Variants in NFKB1 observed in about 807,000 individuals in gnomAD.
NFKB1 encodes the protein nuclear factor NF-kappa-B p105 subunit.
A neutral mutation model predicts 105.1 loss-of-function variants in NFKB1; 9 were observed. That is an observed-to-expected ratio of 0.09 (90% CI 0.05 to 0.15). NFKB1 has a LOEUF of 0.15. NFKB1 is among the 10% of genes least tolerant of loss of function. The pLI, the probability that NFKB1 is intolerant of heterozygous loss-of-function variation, is 1.00. For missense variants in NFKB1, 830 were observed against 1,203.7 expected, an observed-to-expected ratio of 0.69 and a Z score of 4.59; for synonymous variants, 440 against 442.2, an observed-to-expected ratio of 1.00 and a Z score of 0.06.
At chr4:102,610,527 G>A (rs1728300439) in intron 19 of NFKB1, 48 bp from the exon 20 acceptor site, 1 of 1,588,854 alleles carries the variant, frequency 6.3e-7, no homozygotes, top group African/African-American at 1.3e-5. Context: ...GCAGTTGGAA[G>A]TTGACAAGAT....
chr4:102,591,435 A>AG (rs1254008981), intron 11 of NFKB1, among the ~76,000 whole-genome samples: 73 of 151,990 alleles, frequency 4.8e-4, no homozygotes, highest in African/African-American at 1.6e-3. Context: ...AAAAAAAAAA[A>AG]AAGGCAGACT....
chr4:102,609,472 C>T lies in NFKB1; in HGVS notation c.2228-1103C>T, dbSNP rs543831649. On this transcript the variant is annotated intron_variant, in intron 19 of 23. Coordinates refer to ENST00000226574, the MANE Select transcript of NFKB1 (RefSeq NM_003998.4). ...ACTAAAAATACAAAACTTAGCTGGG[C>T]GTGGTGGCATGCATCTGTAATCCCA... is the stretch of plus-strand genomic sequence containing the variant. 4.6e-5 allele frequency among the ~76,000 whole-genome samples: 7 copies of T among 151,894 alleles called. No homozygotes were observed. In the East Asian group the frequency reaches 9.7e-4, roughly 21 times the overall value.
At chr4:102,607,843 C>T (rs913550031) in intron 19 of NFKB1, 92 bp downstream of exon 19, 1 of 1,046,072 alleles carries the variant, frequency 9.6e-7, no homozygotes. Context: ...TTCTTTAAGC[C>T]ACAGACCTAC....
chr4:102,596,527 T>C (rs1378349676), intron 14 of NFKB1, among the ~76,000 whole-genome samples, 195 bp downstream of exon 14: 1 of 152,228 alleles, frequency 6.6e-6, no homozygotes, highest in Admixed American at 6.5e-5. Flanking sequence ...TGCTCTGTTA[T>C]CTTTGAATGT....
At chr4:102,591,154 T>C (rs1276783558) in intron 11 of NFKB1, among the ~76,000 whole-genome samples, 2 of 152,124 alleles carry the variant, frequency 1.3e-5, no homozygotes, top group African/African-American at 4.8e-5. Flanking sequence ...ATCCAGGAGA[T>C]CTAGTTCAGA....
At chr4:102,526,028 C>G (rs1177169207) in intron 2 of NFKB1, among the ~76,000 whole-genome samples, 1 of 152,112 alleles carries the variant, frequency 6.6e-6, no homozygotes, top group Non-Finnish European at 1.5e-5. Context: ...ATCTCTTCCT[C>G]CATTGTCACG....
chr4:102,609,869 G>A (rs1728233640), intron 19 of NFKB1, among the ~76,000 whole-genome samples: 1 of 152,122 alleles, frequency 6.6e-6, no homozygotes, highest in South Asian at 2.1e-4. Context: ...CTCAAAAATG[G>A]CATCATTAGA....
At position 102,564,230 on chromosome 4, in the gene NFKB1, G is replaced by T. The variant is rs79702035; in HGVS notation, c.259-2757G>T. On this transcript the variant is annotated intron_variant, in intron 5 of 23. Transcript: ENST00000226574. ...ATTTTCAAAGGAACCACTATTCAAA[G>T]AAGTAAAAGGGAGACTGAATAAAAA... is the stretch of plus-strand genomic sequence containing the variant. 2.2e-3 allele frequency among the ~76,000 whole-genome samples: 342 copies of T among 152,152 alleles called. 1 individual carries two copies. Among genetic ancestry groups the T allele is most frequent in the African/African-American group, 7.9e-3 (329 of 41,486 alleles).
chr4:102,523,903 C>G (rs144345178), intron 1 of NFKB1, among the ~76,000 whole-genome samples: 1 of 152,082 alleles, frequency 6.6e-6, no homozygotes, highest in Non-Finnish European at 1.5e-5. Flanking sequence ...AGGGTATACA[C>G]TAGGTAAGCA....
chr4:102,597,577 T>A lies in NFKB1; in HGVS notation c.1553T>A (p.Phe518Tyr). ...GCAAAGAGGCATGCCAATGCCCTTT[T>A]CGACTACGCGGTGACAGGAGACGTG... ...QLAKRHANALFDYAVTGDVKM... is the reference protein window; with the variant it reads ...QLAKRHANALYDYAVTGDVKM... Residue 518 changes from phenylalanine (F) to tyrosine (Y), a missense_variant, in exon 15 of 24, where the codon TTC (phenylalanine) becomes TAC (tyrosine). By Grantham distance (22) the Phe-to-Tyr change is conservative. This residue lies in a region of NFKB1 where 418 missense variants were observed against 575.3 expected (regional missense o/e 0.73). Transcript: ENST00000226574. The A allele has an allele frequency of 6.2e-7, 1 of 1,613,958 alleles. No individual in the cohort carries two copies. The highest frequency in any genetic ancestry group is 1.1e-5 in the South Asian group (1 of 91,002).
chr4:102,502,634 G>T (rs1739166092), intron 1 of NFKB1, among the ~76,000 whole-genome samples: 1 of 152,044 alleles, frequency 6.6e-6, no homozygotes, highest in East Asian at 1.9e-4. Context: ...GTTTTTCTAT[G>T]GTCCTTAAAA....
Position 102,616,429 on chromosome 4 carries a change from C to T in NFKB1, c.2750-5C>T, listed in dbSNP as rs1728946891. The stretch of plus-strand genomic sequence containing the variant: ...CCCCAGTGAATTTGTGCTTTCTCCC[C>T]TCAGACGAGCTCCGAGACAGTGACA... On this transcript the variant is annotated splice_polypyrimidine_tract_variant and splice_region_variant and intron_variant, in intron 23 of 23. Transcript: ENST00000226574. 1 of 1,613,648 alleles carries T rather than the reference C, an allele frequency of 6.2e-7. No homozygotes were observed. The highest frequency in any genetic ancestry group is 8.5e-7 in the Non-Finnish European group (1 of 1,179,892).
At chr4:102,508,100 A>G (rs1284677014) in intron 1 of NFKB1, among the ~76,000 whole-genome samples, 1 of 152,188 alleles carries the variant, frequency 6.6e-6, no homozygotes, top group Non-Finnish European at 1.5e-5. Context: ...TGTTTTATTG[A>G]TATTTGAAGA....
At chr4:102,612,762 G>A (rs1728546121) in intron 22 of NFKB1, among the ~76,000 whole-genome samples, 156 bp downstream of exon 22, 1 of 152,208 alleles carries the variant, frequency 6.6e-6, no homozygotes, top group Non-Finnish European at 1.5e-5. Flanking sequence ...CAAGTTGGCA[G>A]CCCATCTTCC....
At chr4:102,568,270 G>A (rs1186576280) in intron 6 of NFKB1, among the ~76,000 whole-genome samples, 1 of 151,740 alleles carries the variant, frequency 6.6e-6, no homozygotes, top group African/African-American at 2.4e-5. Context: ...CACTAAAATC[G>A]GATTCTTTTG....
rs532493791 is a variant in NFKB1 at position 102,617,236 on chromosome 4, T to G, written c.*642T>G. The G allele has an allele frequency of 6.6e-6, 1 of 152,594 alleles. No individual in the cohort carries two copies. Among genetic ancestry groups the G allele is most frequent in the African/African-American group, 2.4e-5 (1 of 41,438 alleles). 9.5% of individuals were successfully genotyped at this position (152,594 alleles called of 1,614,324 possible). A position where few individuals can be genotyped will look rare whatever the true frequency, so the allele number is the denominator to read the frequency against. ...ATCAAATACTTTAAAGGAAAAAATG[T>G]TGGATTTATAAATGCTATTTTTTAT... On this transcript the variant is annotated 3_prime_UTR_variant, in exon 24 of 24. Coordinates refer to ENST00000226574, the MANE Select transcript of NFKB1 (RefSeq NM_003998.4).
intron 6 of NFKB1, among the ~76,000 whole-genome samples, chr4:102,568,261 A>G (rs1302477029): frequency 1.3e-5 from 2 of 152,104 alleles, no homozygotes; most frequent in Non-Finnish European, 2.9e-5. Flanking sequence ...CTTTTAAGTC[A>G]CTAAAATCGG....
At chr4:102,610,091 C>T (rs1264610212) in intron 19 of NFKB1, among the ~76,000 whole-genome samples, 1 of 152,166 alleles carries the variant, frequency 6.6e-6, no homozygotes, top group Admixed American at 6.5e-5. Flanking sequence ...ATTGCTGTAC[C>T]CAGCAATGAA....
At chr4:102,537,193 A>G (rs939509443) in intron 4 of NFKB1, among the ~76,000 whole-genome samples, 4 of 152,162 alleles carry the variant, frequency 2.6e-5, no homozygotes, top group African/African-American at 9.7e-5. Flanking sequence ...TATCTATAAA[A>G]TTTCTGGGTT....
Sources: gnomAD v4.1 joint callset for allele counts (sites outside exome capture counted in the v4.1 genomes callset) on GRCh38, gnomAD v4.1.1 for gene constraint, gnomAD v4.1.1 regional missense constraint, MANE v1.5 for transcripts, NCBI Gene and HGNC (gene_info 2026-07-23, HGNC 2026-07-21) for gene names.